Variants in SDAD1 observed in about 807,000 individuals in gnomAD.
SDAD1 encodes the protein protein SDA1 homolog.
SDAD1 carries 79 observed loss-of-function variants against 100.3 expected under a neutral mutation model. The ratio of observed to expected loss-of-function variants is 0.79; its 90% CI spans 0.66 to 0.95. The LOEUF (loss-of-function observed/expected upper bound fraction) is 0.95, where lower values mean the gene tolerates loss of function less well. Among genes scored for constraint, SDAD1 ranks in the 40% least tolerant of loss-of-function variants. The probability of loss-of-function intolerance (pLI) is 0.00; values close to 1 mark genes in which losing one functional copy is unlikely to be tolerated. For synonymous variants in SDAD1, 267 were observed against 271.4 expected (o/e 0.98, Z 0.16); for missense variants, 790 against 810.9 (o/e 0.97, Z 0.31).
intron 6 of SDAD1, 131 bp from the exon 7 acceptor site, chr4:75,974,264 A>G (rs1389913431): frequency 5.4e-6 from 4 of 740,494 alleles, no homozygotes; most frequent in Non-Finnish European, 9.3e-6. Flanking sequence ...TAATATTTTA[A>G]AAAGATACGA....
At chr4:75,962,662 T>C (rs927608611) in intron 14 of SDAD1, among the ~76,000 whole-genome samples, 1 of 152,244 alleles carries the variant, frequency 6.6e-6, no homozygotes, top group Admixed American at 6.5e-5. Flanking sequence ...ATGATAAGCA[T>C]TTTTTAATGT....
At chr4:75,966,302 ACAC>A (rs1729538417) in intron 12 of SDAD1, among the ~76,000 whole-genome samples, 1 of 150,432 alleles carries the variant, frequency 6.6e-6, no homozygotes, top group African/African-American at 2.5e-5. Context: ...ACACACACAC[ACAC>A]ACACACACTG....
At chr4:75,971,519 T>A in intron 8 of SDAD1, 61 bp from the exon 9 acceptor site, 1 of 1,228,186 alleles carries the variant, frequency 8.1e-7, no homozygotes, top group Non-Finnish European at 1.2e-6. Context: ...AATGAAAGAG[T>A]AAACCTTTCA....
chr4:75,969,481 T>C (rs1052639873), intron 10 of SDAD1, 82 bp from the exon 11 acceptor site: 3 of 876,038 alleles, frequency 3.4e-6, no homozygotes, highest in African/African-American at 3.3e-5. Flanking sequence ...GAAAAGACAA[T>C]AGTTAGATCA....
chr4:75,970,750 T>C (rs772063165), intron 9 of SDAD1, among the ~76,000 whole-genome samples: 2 of 152,204 alleles, frequency 1.3e-5, no homozygotes, highest in Non-Finnish European at 2.9e-5. Flanking sequence ...GTTTTCCCCA[T>C]GCTATTCTCG....
chr4:75,986,329 C>T (rs1474305425), intron 1 of SDAD1, among the ~76,000 whole-genome samples: 1 of 152,086 alleles, frequency 6.6e-6, no homozygotes, highest in Non-Finnish European at 1.5e-5. Context: ...TTACATTTCT[C>T]TAGTCCCTTC....
intron 4 of SDAD1, 114 bp from the exon 5 acceptor site, chr4:75,976,109 T>C (rs1730147208): frequency 4.5e-6 from 3 of 662,570 alleles, no homozygotes; most frequent in Admixed American, 3.2e-5. Flanking sequence ...TATTTTTCAT[T>C]CTATCCCAAA....
intron 13 of SDAD1, among the ~76,000 whole-genome samples, chr4:75,964,862 CTAT>C (rs1246709101): frequency 1.3e-5 from 2 of 152,186 alleles, no homozygotes; most frequent in Non-Finnish European, 2.9e-5. Context: ...TTGTGATTTC[CTAT>C]GCCTGTCTTT....
rs1728575891 is a variant in SDAD1, at chr4:75,950,560, A to G, written c.*190T>C. On this transcript the variant is annotated 3_prime_UTR_variant, in exon 22 of 22. Coordinates refer to ENST00000356260, the MANE Select transcript of SDAD1 (RefSeq NM_018115.4). ...GAAATGATTTTACATTACCACCACT[A>G]TTTACATTAACATTCCTACCATTAG... 2.1e-6 allele frequency: 1 copy of G among 478,496 alleles called. No individual in the cohort carries two copies. The highest frequency in any genetic ancestry group is 3.9e-6 in the Non-Finnish European group (1 of 257,524). 29.6% of individuals were successfully genotyped at this position (478,496 alleles called of 1,614,324 possible). A position where few individuals can be genotyped will look rare whatever the true frequency, so the allele number is the denominator to read the frequency against.
intron 1 of SDAD1, among the ~76,000 whole-genome samples, chr4:75,983,069 T>C (rs1047070982): frequency 2.0e-5 from 3 of 149,656 alleles, no homozygotes; most frequent in Non-Finnish European, 4.4e-5. Context: ...TTGTGATAGT[T>C]TTCTGAAAAT....
chr4:75,958,466 C>A (rs553385452), intron 17 of SDAD1, among the ~76,000 whole-genome samples: 135 of 152,268 alleles, frequency 8.9e-4, no homozygotes, highest in African/African-American at 3.1e-3. Context: ...CCTGAAGACA[C>A]CTCAATAAAA....
intron 21 of SDAD1, among the ~76,000 whole-genome samples, chr4:75,953,623 G>A (rs1428537706): frequency 6.6e-6 from 1 of 152,186 alleles, no homozygotes; most frequent in Non-Finnish European, 1.5e-5. Context: ...AACAGGGAGA[G>A]CTAAATGGTA....
At chr4:75,981,891 G>T in intron 2 of SDAD1, 42 bp downstream of exon 2, 1 of 1,275,178 alleles carries the variant, frequency 7.8e-7, no homozygotes, top group Non-Finnish European at 1.1e-6. Context: ...TCAGCAAACT[G>T]TGTGTTAATA....
Position 75,957,098 on chromosome 4 carries a change from A to AGG in SDAD1, c.1854+226_1854+227insCC, listed in dbSNP as rs148555210. Among the ~76,000 whole-genome samples the AGG allele has an allele frequency of 0.012, 1,838 of 152,336 alleles. 122 individuals are homozygous for AGG. In the South Asian group the frequency reaches 0.2, roughly 17 times the overall value. On this transcript the variant is annotated intron_variant, in intron 20 of 21. Transcript: ENST00000356260. ...GCACTACAGCCTGGGTGACAGAGAG[A>AGG]GACTGTCGCAAAAAACAAACAAACA... is the stretch of plus-strand genomic sequence containing the variant.
chr4:75,970,745 C>T (rs1442871055), intron 9 of SDAD1, among the ~76,000 whole-genome samples: 1 of 152,146 alleles, frequency 6.6e-6, no homozygotes, highest in Admixed American at 6.5e-5. Context: ...GGGCAGTTTT[C>T]CCCATGCTAT....
chr4:75,958,090 T>C (rs1236036541), intron 17 of SDAD1, 149 bp from the exon 18 acceptor site: 9 of 717,312 alleles, frequency 1.3e-5, no homozygotes, highest in Non-Finnish European at 2.2e-5. Context: ...AAATAAACAA[T>C]GTGCCTTTAG....
chr4:75,967,414 CA>C (rs1729612041), intron 11 of SDAD1, 80 bp from the exon 12 acceptor site: 1 of 1,264,552 alleles, frequency 7.9e-7, no homozygotes, highest in African/African-American at 1.5e-5. Context: ...AACATATCAC[CA>C]AGCTCAACTA....
At chr4:75,974,950 G>A (rs1424236461) in intron 6 of SDAD1, among the ~76,000 whole-genome samples, 2 of 151,286 alleles carry the variant, frequency 1.3e-5, no homozygotes, top group African/African-American at 4.9e-5. Context: ...GCTGAGGCAG[G>A]GGAATCGCTG....
intron 1 of SDAD1, among the ~76,000 whole-genome samples, chr4:75,988,141 T>G (rs535335870): frequency 6.6e-6 from 1 of 152,188 alleles, no homozygotes; most frequent in African/African-American, 2.4e-5. Flanking sequence ...GCTTCTTATG[T>G]GGTGTCTCTG....
Sources: allele counts gnomAD v4.1 joint callset (sites outside exome capture counted in the v4.1 genomes callset), GRCh38; gene constraint gnomAD v4.1.1; transcripts MANE v1.5; gene names NCBI Gene and HGNC (gene_info 2026-07-23, HGNC 2026-07-21).